Variants in PKHD1 observed in about 807,000 individuals in gnomAD.
The protein encoded by PKHD1 is PKHD1 ciliary IPT domain containing fibrocystin/polyductin.
A neutral mutation model predicts 412.0 loss-of-function variants in PKHD1; 291 were observed. That is an observed-to-expected ratio of 0.71 (90% CI 0.64 to 0.78). The LOEUF is 0.78. PKHD1 is among the 30% of genes least tolerant of loss of function. The probability of loss-of-function intolerance (pLI) is 0.00; values close to 1 mark genes in which losing one functional copy is unlikely to be tolerated. For missense variants in PKHD1, 4,825 were observed against 4,950.7 expected (o/e 0.97, Z 0.76); for synonymous variants, 1,777 against 1,821.5 (o/e 0.98, Z 0.62).
rs10671492 is a variant in PKHD1 at position 51,976,944 on chromosome 6, T to TAAAAAAAAAAAA, written c.5752-16930_5752-16919dup. Among the ~76,000 whole-genome samples the TAAAAAAAAAAAA allele has an allele frequency of 1.5e-3, 136 of 93,518 alleles. 1 individual carries two copies. The highest frequency in any genetic ancestry group is 5.7e-3 in the African/African-American group (125 of 21,906). The allele number at this position is 93,518 out of a possible 152,430, so 61.4% of individuals were successfully genotyped here. Reference sequence around the variant, plus strand: ...GCCTGGGTGATAGAGTGAGACTCCATAAAAAAAAAAAAAAAAAAAACCTGA... The same window carrying TAAAAAAAAAAAA: ...GCCTGGGTGATAGAGTGAGACTCCATAAAAAAAAAAAAAAAAAAAAAAAAAAAAAAAACCTGA... On this transcript the variant is annotated intron_variant, in intron 35 of 66. Coordinates refer to ENST00000371117, the MANE Select transcript of PKHD1 (RefSeq NM_138694.4).
At chr6:52,040,927 C>G (rs1198271311) in intron 27 of PKHD1, among the ~76,000 whole-genome samples, 1 of 152,090 alleles carries the variant, frequency 6.6e-6, no homozygotes, top group Non-Finnish European at 1.5e-5. Context: ...TTAATAATGC[C>G]TGGTAATAAA....
chr6:51,920,657 C>T (rs1417510096), intron 37 of PKHD1, among the ~76,000 whole-genome samples: 1 of 152,104 alleles, frequency 6.6e-6, no homozygotes, highest in African/African-American at 2.4e-5. Flanking sequence ...AGGGAGGATT[C>T]CCTCTTTTTC....
At chr6:51,742,881 CT>C (rs1265372436) in intron 60 of PKHD1, among the ~76,000 whole-genome samples, 1 of 152,128 alleles carries the variant, frequency 6.6e-6, no homozygotes, top group African/African-American at 2.4e-5. Flanking sequence ...TCAAGGATGG[CT>C]TCTCTGAGGG....
Position 52,025,265 on chromosome 6 carries a change from C to T in PKHD1, c.4545G>A (p.Glu1515=), listed in dbSNP as rs2128143401. ...GTTGATCATCCACAAATACCATCGGCTCATCAGCTGTGGTGGCTAACCTCT... is the reference window on the plus strand; with the variant it reads ...GTTGATCATCCACAAATACCATCGGTTCATCAGCTGTGGTGGCTAACCTCT... ...RGQRLATTAD[E]PMVFVDDQLP... Residue 1515 remains glutamate (E), a synonymous_variant, in exon 32 of 67, where the codon GAG becomes GAA. Transcript: ENST00000371117. The T allele has an allele frequency of 6.2e-7, 1 of 1,614,074 alleles. No individual in the cohort carries two copies. Among genetic ancestry groups the T allele is most frequent in the Non-Finnish European group, 8.5e-7 (1 of 1,179,998 alleles).
chr6:51,935,665 T>C lies in PKHD1; in HGVS notation c.5909-1343A>G, dbSNP rs185599652. ...GTCCCTCATGATTTGCTACCCAACC[T>C]CCAATACCTCTCTAATATCATTTTC... On this transcript the variant is annotated intron_variant, in intron 36 of 66. Transcript: ENST00000371117. Among the ~76,000 whole-genome samples, 282 of 152,330 alleles carry C rather than the reference T, an allele frequency of 1.9e-3. 4 individuals are homozygous for C. Among genetic ancestry groups the C allele is most frequent in the Non-Finnish European group, 8.8e-4 (60 of 68,040 alleles).
chr6:51,812,041 C>G (rs1764756020), intron 52 of PKHD1, among the ~76,000 whole-genome samples: 1 of 152,130 alleles, frequency 6.6e-6, no homozygotes, highest in African/African-American at 2.4e-5. Flanking sequence ...ATTGGACTTT[C>G]ATTCAGGTAC....
intron 35 of PKHD1, among the ~76,000 whole-genome samples, chr6:51,989,959 A>AAGGAAGGAAG (rs1796811654): frequency 1.4e-4 from 5 of 36,542 alleles, no homozygotes; most frequent in African/African-American, 5.4e-4. Flanking sequence ...AAGGAAGGAA[A>AAGGAAGGAAG]GAAGGAAGGA....
At chr6:51,791,648 G>C (rs1293311790) in intron 52 of PKHD1, among the ~76,000 whole-genome samples, 2 of 152,120 alleles carry the variant, frequency 1.3e-5, no homozygotes, top group African/African-American at 4.8e-5. Context: ...CTAGTGCAGT[G>C]GAAACACACA....
intron 55 of PKHD1, among the ~76,000 whole-genome samples, chr6:51,758,014 A>AAGAGAGAGAGAGAGAGAGAGAGAGAG (rs10534219): frequency 1.4e-4 from 18 of 126,122 alleles, no homozygotes; most frequent in African/African-American, 1.7e-4. Context: ...ACCCTGCCAA[A>AAGAGAGAGAGAGAGAGAGAGAGAGAG]AGAGAGAGAG....
At chr6:51,654,347 G>A (rs1033131666) in intron 61 of PKHD1, among the ~76,000 whole-genome samples, 1 of 152,004 alleles carries the variant, frequency 6.6e-6, no homozygotes, top group African/African-American at 2.4e-5. Flanking sequence ...TTAAATAGTT[G>A]AATAAATGTT....
chr6:51,666,495 T>C (rs1023138324), intron 60 of PKHD1, among the ~76,000 whole-genome samples: 6 of 152,210 alleles, frequency 3.9e-5, no homozygotes, highest in African/African-American at 1.4e-4. Context: ...TTTAGAAGAA[T>C]TTGTTTCAGC....
At chr6:52,028,105 G>T (rs765755788) in intron 30 of PKHD1, 51 bp downstream of exon 30, 2 of 1,530,336 alleles carry the variant, frequency 1.3e-6, no homozygotes, top group African/African-American at 1.4e-5. Flanking sequence ...TTACCTAGCT[G>T]AATGCTAGAC....
intron 49 of PKHD1, among the ~76,000 whole-genome samples, 185 bp from the exon 50 acceptor site, chr6:51,848,155 TA>T (rs1201494427): frequency 6.6e-6 from 1 of 152,144 alleles, no homozygotes; most frequent in African/African-American, 2.4e-5. Context: ...ATCTACTTCA[TA>T]AAAAATTCAT....
At chr6:51,773,098 TC>T (rs1790424034) in intron 54 of PKHD1, among the ~76,000 whole-genome samples, 1 of 152,018 alleles carries the variant, frequency 6.6e-6, no homozygotes, top group Non-Finnish European at 1.5e-5. Flanking sequence ...TCCTTTCCAC[TC>T]TTACGTGACT....
chr6:52,078,234 T>C (rs1811585763), intron 5 of PKHD1, among the ~76,000 whole-genome samples: 1 of 152,106 alleles, frequency 6.6e-6, no homozygotes, highest in African/African-American at 2.4e-5. Context: ...CATAACATGG[T>C]ACGTTTCTAA....
chr6:51,774,524 A>G (rs1010699208), intron 54 of PKHD1, among the ~76,000 whole-genome samples: 4 of 151,980 alleles, frequency 2.6e-5, no homozygotes, highest in African/African-American at 9.7e-5. Flanking sequence ...ACTTAGAAAA[A>G]TTAAAACATT....
chr6:51,733,579 T>A (rs1008567456), intron 60 of PKHD1, among the ~76,000 whole-genome samples: 1 of 151,480 alleles, frequency 6.6e-6, no homozygotes, highest in Non-Finnish European at 1.5e-5. Flanking sequence ...TTATATTATA[T>A]GTATTTTACC....
chr6:51,791,914 ATTGAG>A (rs777185925), intron 52 of PKHD1, among the ~76,000 whole-genome samples: 1 of 152,202 alleles, frequency 6.6e-6, no homozygotes, highest in African/African-American at 2.4e-5. Flanking sequence ...AACTCATTTA[ATTGAG>A]TTAATAGATT....
chr6:51,722,145 T>A, intron 60 of PKHD1: 1 of 1,516,304 alleles, frequency 6.6e-7, no homozygotes, highest in South Asian at 1.2e-5. Context: ...CACCTTGTAA[T>A]ATCCGAGCTC....
Sources: allele counts gnomAD v4.1 joint callset (sites outside exome capture counted in the v4.1 genomes callset), GRCh38; gene constraint gnomAD v4.1.1; transcripts MANE v1.5; gene names NCBI Gene and HGNC (gene_info 2026-07-23, HGNC 2026-07-21).